The following RREB1 variants were observed in gnomAD, a reference collection of about 807,000 sequenced individuals.
RREB1 encodes the protein ras-responsive element-binding protein 1.
Under a neutral mutation model 117.8 loss-of-function variants are expected in RREB1, and 27 were observed. The ratio of observed to expected loss-of-function variants is 0.23; its 90% confidence interval spans 0.17 to 0.32. The LOEUF is 0.32. Ranked by LOEUF, RREB1 falls within the 10% of genes least tolerant of loss-of-function variation. The pLI is 1.00. For synonymous variants in RREB1, 1,298 were observed against 1,026.7 expected (o/e 1.26, Z -5.05); for missense variants, 2,577 against 2,378.2 (o/e 1.08, Z -1.74).
intron 1 of RREB1, among the ~76,000 whole-genome samples, chr6:7,138,307 C>T (rs150353157): frequency 6.6e-6 from 1 of 152,294 alleles, no homozygotes; most frequent in Non-Finnish European, 1.5e-5. Flanking sequence ...AGCCTTCTCT[C>T]TTAATTGGTG....
At chr6:7,163,891 C>G (rs552185121) in intron 1 of RREB1, among the ~76,000 whole-genome samples, 39 of 152,352 alleles carry the variant, frequency 2.6e-4, no homozygotes, top group Non-Finnish European at 4.4e-4. Context: ...TTTTCTTTGT[C>G]TGTACAGGTT....
chr6:7,188,225 ACGTGTGTG>A (rs1386504291), intron 5 of RREB1, among the ~76,000 whole-genome samples: 1 of 49,876 alleles, frequency 2.0e-5, no homozygotes, highest in African/African-American at 6.2e-5. Flanking sequence ...TCCCCCCCAC[ACGTGTGTG>A]TGTGTGTGTG....
chr6:7,154,171 TA>T (rs972088185), intron 1 of RREB1, among the ~76,000 whole-genome samples: 23 of 152,228 alleles, frequency 1.5e-4, no homozygotes, highest in African/African-American at 5.5e-4. Flanking sequence ...GCACATAAAC[TA>T]GATGAAGCTT....
intron 8 of RREB1, among the ~76,000 whole-genome samples, chr6:7,223,672 C>T (rs531037730): frequency 5.7e-4 from 87 of 151,750 alleles, no homozygotes; most frequent in African/African-American, 2.0e-3. Flanking sequence ...GTGCCTGGCA[C>T]ATTACATATA....
In RREB1 at chr6:7,181,922, G is replaced by C. The variant is rs116821447; in HGVS notation, c.11G>C (p.Ser4Thr). 31 of 1,614,254 alleles carry C rather than the reference G, an allele frequency of 1.9e-5. No individual in the cohort carries two copies. The African/African-American group carries it at 2.1e-4, about 11-fold the overall frequency. Residue 4 changes from serine (S) to threonine (T), a missense_variant, in exon 4 of 13, where the codon AGT becomes ACT. Coordinates refer to ENST00000379938, the MANE Select transcript of RREB1 (RefSeq NM_001003699.4). MTS[S>T]SPAGLEGSDL... ...TAAACCCCTGTCCCAATGACGTCAA[G>C]TTCGCCCGCTGGCTTGGAAGGTTCA... is the stretch of plus-strand genomic sequence containing the variant.
chr6:7,208,048 A>C (rs1159028171), intron 6 of RREB1, among the ~76,000 whole-genome samples: 1 of 152,188 alleles, frequency 6.6e-6, no homozygotes, highest in Non-Finnish European at 1.5e-5. Flanking sequence ...ATCCCATCCC[A>C]GCTCCCTTCC....
At chr6:7,232,753 TTTTC>T (rs1012052019) in intron 10 of RREB1, among the ~76,000 whole-genome samples, 2 of 137,196 alleles carry the variant, frequency 1.5e-5, no homozygotes, top group African/African-American at 5.9e-5. Flanking sequence ...TATCTTCCTT[TTTTC>T]TTTTTCTTTT....
chr6:7,205,622 C>T (rs191981622), intron 6 of RREB1, among the ~76,000 whole-genome samples: 67 of 152,270 alleles, frequency 4.4e-4, no homozygotes, highest in African/African-American at 1.5e-3. Flanking sequence ...AAGGAAGGTC[C>T]GCAGAAAGTT....
intron 1 of RREB1, among the ~76,000 whole-genome samples, chr6:7,158,722 G>A (rs1444913282): frequency 1.3e-5 from 2 of 152,178 alleles, no homozygotes; most frequent in Non-Finnish European, 2.9e-5. Context: ...CCCCAACCTA[G>A]TAGTGGATCA....
chr6:7,163,596 G>T (rs529269969), intron 1 of RREB1, among the ~76,000 whole-genome samples: 1 of 151,918 alleles, frequency 6.6e-6, no homozygotes, highest in Non-Finnish European at 1.5e-5. Context: ...GGGTTTCACC[G>T]TGTTAGCCAG....
chr6:7,206,467 A>G (rs989576513), intron 6 of RREB1, among the ~76,000 whole-genome samples: 4 of 152,214 alleles, frequency 2.6e-5, no homozygotes, highest in African/African-American at 9.7e-5. Flanking sequence ...CAGGAATTCA[A>G]CAAATATTTA....
chr6:7,109,893 C>G (rs1761051288), intron 1 of RREB1, among the ~76,000 whole-genome samples: 2 of 152,190 alleles, frequency 1.3e-5, no homozygotes, highest in African/African-American at 2.4e-5. Flanking sequence ...AAAAATATAA[C>G]GTTTTGGTAT....
At chr6:7,109,158 C>T (rs1435429180) in intron 1 of RREB1, among the ~76,000 whole-genome samples, 3 of 151,898 alleles carry the variant, frequency 2.0e-5, no homozygotes, top group Non-Finnish European at 4.4e-5. Flanking sequence ...CCGCCGCCCG[C>T]TGGACCAGTT....
At chr6:7,122,726 A>C (rs929179833) in intron 1 of RREB1, among the ~76,000 whole-genome samples, 7 of 152,364 alleles carry the variant, frequency 4.6e-5, no homozygotes, top group Non-Finnish European at 8.8e-5. Context: ...TTTAAATTTT[A>C]AAGTACTCTA....
At chr6:7,234,468 C>T (rs1280725257) in intron 10 of RREB1, among the ~76,000 whole-genome samples, 1 of 152,102 alleles carries the variant, frequency 6.6e-6, no homozygotes, top group African/African-American at 2.4e-5. Flanking sequence ...GATATGTGTT[C>T]CCATTTGTGA....
intron 8 of RREB1, among the ~76,000 whole-genome samples, chr6:7,221,052 C>T (rs377098197): frequency 4.7e-4 from 71 of 152,112 alleles, no homozygotes; most frequent in Non-Finnish European, 8.5e-4. Flanking sequence ...TGAACCCTCG[C>T]GTCTCCACCT....
intron 11 of RREB1, among the ~76,000 whole-genome samples, chr6:7,242,649 C>CT (rs553843234): frequency 6.6e-6 from 1 of 150,944 alleles, no homozygotes; most frequent in Admixed American, 6.6e-5. Flanking sequence ...GGTTCCCCCC[C>CT]CCCAGTGAAG....
At chr6:7,154,234 C>G (rs550082627) in intron 1 of RREB1, among the ~76,000 whole-genome samples, 43 of 152,354 alleles carry the variant, frequency 2.8e-4, no homozygotes, top group African/African-American at 1.0e-3. Flanking sequence ...GTGTGGTCCC[C>G]AGACAAGCAG....
In RREB1 at chr6:7,248,899, C is replaced by A; in HGVS notation, c.5160C>A (p.Arg1720=). Residue 1720 remains arginine (R), a synonymous_variant, in exon 13 of 13, where the codon CGC becomes CGA. Coordinates refer to ENST00000379938, the MANE Select transcript of RREB1 (RefSeq NM_001003699.4). ...TGGGGCAGGACCTGCTGGAGCCGCG[C>A]AGCAAGAGGCCTGCCCACCCAATCC... is the stretch of plus-strand genomic sequence containing the variant. The part of the protein sequence containing the change: ...AALGQDLLEP[R]SKRPAHPILA... 1 of 1,562,418 alleles carries A rather than the reference C, an allele frequency of 6.4e-7. No individual in the cohort carries two copies. The highest frequency in any genetic ancestry group is 8.7e-7 in the Non-Finnish European group (1 of 1,155,550).
Sources: gnomAD v4.1 joint callset for allele counts (sites outside exome capture counted in the v4.1 genomes callset) on GRCh38, gnomAD v4.1.1 for gene constraint, MANE v1.5 for transcripts, NCBI Gene and HGNC (gene_info 2026-07-23, HGNC 2026-07-21) for gene names.